MELK: variants seen among roughly 807,000 people sequenced by gnomAD.
The protein encoded by MELK is pEg3 kinase.
In MELK, 81 loss-of-function variants were observed where a neutral mutation model predicts 85.0. That is an observed-to-expected ratio of 0.95 (90% CI 0.80 to 1.15). The LOEUF is 1.15. Among genes scored for constraint, MELK ranks in the 50% most tolerant of loss-of-function variants. MELK has a pLI of 0.00. For missense variants in MELK, 754 were observed against 777.5 expected (o/e 0.97, Z 0.36); for synonymous variants, 252 against 265.0 (o/e 0.95, Z 0.48).
chr9:36,660,280 T>A (rs1028708860), intron 13 of MELK, among the ~76,000 whole-genome samples: 25 of 152,186 alleles, frequency 1.6e-4, no homozygotes, highest in African/African-American at 5.3e-4. Context: ...AGCTATTACT[T>A]ACTGCTTCGG....
intron 3 of MELK, among the ~76,000 whole-genome samples, chr9:36,585,209 C>CT (rs1048709961): frequency 1.3e-5 from 2 of 149,010 alleles, no homozygotes; most frequent in African/African-American, 5.0e-5. Context: ...AAGCCTGTCT[C>CT]TTTTGGTGGT....
chr9:36,655,130 C>T (rs1325594489), intron 12 of MELK, among the ~76,000 whole-genome samples: 5 of 152,202 alleles, frequency 3.3e-5, no homozygotes, highest in Non-Finnish European at 4.4e-5. Context: ...CCATGCTGGG[C>T]TGCTGGGAAA....
At chr9:36,616,150 G>T (rs903584497) in intron 8 of MELK, among the ~76,000 whole-genome samples, 1 of 152,154 alleles carries the variant, frequency 6.6e-6, no homozygotes, top group East Asian at 1.9e-4. Context: ...TATATACAAA[G>T]GGTAAAGTAA....
At chr9:36,648,894 A>G (rs1023328106) in intron 11 of MELK, among the ~76,000 whole-genome samples, 1 of 152,164 alleles carries the variant, frequency 6.6e-6, no homozygotes, top group African/African-American at 2.4e-5. Flanking sequence ...ATTTGAGGAA[A>G]ACTTCTAACA....
intron 14 of MELK, among the ~76,000 whole-genome samples, chr9:36,668,807 C>T (rs1284283325): frequency 6.6e-6 from 1 of 152,196 alleles, no homozygotes; most frequent in African/African-American, 2.4e-5. Flanking sequence ...GCCACTGTGC[C>T]TGGCCAAAGC....
intron 17 of MELK, among the ~76,000 whole-genome samples, chr9:36,675,291 A>G (rs1833251373): frequency 6.6e-6 from 1 of 152,224 alleles, no homozygotes; most frequent in African/African-American, 2.4e-5. Flanking sequence ...CTCAAAAAAA[A>G]GAGAAAATAG....
At chr9:36,599,535 T>G in intron 7 of MELK, 49 bp downstream of exon 7, 1 of 1,413,316 alleles carries the variant, frequency 7.1e-7, no homozygotes, top group Non-Finnish European at 1.0e-6. Flanking sequence ...ACATTTATAT[T>G]GGTCACCTGT....
rs1191000172 is a variant in MELK, at chr9:36,666,847, CTGTGTTTGTGTGTGTGTGTGTGTG to C, written c.1408+1272_1408+1295del. Among the ~76,000 whole-genome samples, 4 of 114,022 alleles carry C rather than the reference CTGTGTTTGTGTGTGTGTGTGTGTG, an allele frequency of 3.5e-5. No homozygotes were observed. In the East Asian group the frequency reaches 1.1e-3, roughly 30 times the overall value. 74.8% of individuals were successfully genotyped at this position (114,022 alleles called of 152,430 possible). On this transcript the variant is annotated intron_variant, in intron 14 of 17. Coordinates refer to ENST00000298048, the MANE Select transcript of MELK (RefSeq NM_014791.4). ...GGCCAGTTTGGTGTCCTGATGATGT[CTGTGTTTGTGTGTGTGTGTGTGTG>C]TGTGTGTGTGTGTGTGTGTGTGTGT... is the stretch of plus-strand genomic sequence containing the variant.
At chr9:36,615,652 A>G (rs1826640426) in intron 8 of MELK, among the ~76,000 whole-genome samples, 1 of 132,872 alleles carries the variant, frequency 7.5e-6, no homozygotes, top group African/African-American at 3.3e-5. Context: ...GCGGCCGGGC[A>G]GAGACGCTCC....
At chr9:36,612,497 T>G (rs1826154947) in intron 8 of MELK, among the ~76,000 whole-genome samples, 1 of 152,188 alleles carries the variant, frequency 6.6e-6, no homozygotes, top group East Asian at 1.9e-4. Flanking sequence ...GCAATTCTCC[T>G]GCCTCAGCCT....
chr9:36,673,980 A>G (rs1833116586), intron 16 of MELK, among the ~76,000 whole-genome samples: 3 of 152,204 alleles, frequency 2.0e-5, no homozygotes. Context: ...GAGAAGCACT[A>G]CCTTAAGAAA....
intron 11 of MELK, 54 bp from the exon 12 acceptor site, chr9:36,651,692 A>C (rs1440684514): frequency 2.5e-6 from 4 of 1,576,352 alleles, no homozygotes; most frequent in Non-Finnish European, 3.5e-6. Flanking sequence ...AAGATAGAAC[A>C]TCATTTCCAC....
chr9:36,573,582 C>G (rs756057408), intron 1 of MELK, among the ~76,000 whole-genome samples: 4 of 152,028 alleles, frequency 2.6e-5, no homozygotes, highest in Non-Finnish European at 4.4e-5. Context: ...CTCGGCTCAC[C>G]GCAACCTCCG....
chr9:36,624,099 T>TTTTA (rs886494339), intron 8 of MELK, among the ~76,000 whole-genome samples: 1 of 151,246 alleles, frequency 6.6e-6, no homozygotes, highest in African/African-American at 2.4e-5. Context: ...TTTTTTTTTT[T>TTTTA]TTGAGATGGA....
chr9:36,597,938 A>C (rs953935616), intron 6 of MELK, among the ~76,000 whole-genome samples: 3 of 152,156 alleles, frequency 2.0e-5, no homozygotes, highest in African/African-American at 7.2e-5. Context: ...TTCTCTAATC[A>C]TGGTACTCAC....
chr9:36,669,598 C>T (rs1832710733), intron 15 of MELK, among the ~76,000 whole-genome samples, 192 bp downstream of exon 15: 1 of 152,146 alleles, frequency 6.6e-6, no homozygotes, highest in African/African-American at 2.4e-5. Context: ...GGGGTAGAAT[C>T]ATGAAACTGA....
intron 8 of MELK, among the ~76,000 whole-genome samples, chr9:36,627,053 A>AACAC (rs10608377): frequency 0.024 from 3,393 of 140,922 alleles, 68 homozygotes; most frequent in African/African-American, 0.046. Flanking sequence ...CACAAGCGCA[A>AACAC]ACACACACAC....
intron 11 of MELK, among the ~76,000 whole-genome samples, chr9:36,647,655 A>G (rs1308375050): frequency 3.3e-5 from 5 of 151,646 alleles, no homozygotes; most frequent in Non-Finnish European, 7.4e-5. Context: ...CACCCAGCTA[A>G]TTTTTGTATT....
intron 9 of MELK, among the ~76,000 whole-genome samples, chr9:36,631,453 A>T (rs186818262): frequency 6.6e-6 from 1 of 151,972 alleles, no homozygotes; most frequent in East Asian, 1.9e-4. Flanking sequence ...TTTAGTAGAG[A>T]TGGGGTTTCA....
Sources: gnomAD v4.1 joint callset for allele counts (sites outside exome capture counted in the v4.1 genomes callset) on GRCh38, gnomAD v4.1.1 for gene constraint, MANE v1.5 for transcripts, NCBI Gene and HGNC (gene_info 2026-07-23, HGNC 2026-07-21) for gene names.